The following ABCA6 variants were observed in gnomAD, a reference collection of about 807,000 sequenced individuals.
The protein encoded by ABCA6 is ATP-binding cassette sub-family A member 6.
A neutral mutation model predicts 191.2 loss-of-function variants in ABCA6; 164 were observed. That is an observed-to-expected ratio of 0.86 (90% confidence interval 0.76 to 0.98). The LOEUF (loss-of-function observed/expected upper bound fraction) is 0.98. ABCA6 is among the 50% of genes least tolerant of loss of function. The pLI is 0.00. For synonymous variants in ABCA6, 636 were observed against 647.7 expected (o/e 0.98, Z 0.27); for missense variants, 1,958 against 1,894.1 (o/e 1.03, Z -0.63).
intron 10 of ABCA6, among the ~76,000 whole-genome samples, chr17:69,120,968 A>C (rs1490819309): frequency 1.3e-5 from 2 of 152,030 alleles, no homozygotes; most frequent in Non-Finnish European, 2.9e-5. Context: ...CATACCCCTG[A>C]TACATAGAGC....
At chr17:69,128,564 G>T in intron 8 of ABCA6, 55 bp downstream of exon 8, 1 of 1,403,356 alleles carries the variant, frequency 7.1e-7, no homozygotes, top group Non-Finnish European at 9.8e-7. Context: ...TACAGCGTAT[G>T]AAGTATCTAC....
chr17:69,096,697 T>G lies in ABCA6; in HGVS notation c.3225A>C (p.Leu1075Phe). ...TTTCTATGTAGAAAATTAAATACAT[T>G]AAAAGGAGAATTAAAATGAAGAAGC... ...DVSFFILILL[L>F]MYLIFYIENM... The change falls in exon 24 of 39, where the codon TTA becomes TTC. Residue 1075 changes from leucine (L) to phenylalanine (F), a missense_variant. Leu to Phe is a conservative substitution (Grantham distance 22). Coordinates refer to ENST00000284425, the MANE Select transcript of ABCA6 (RefSeq NM_080284.3). The G allele has an allele frequency of 6.3e-7, 1 of 1,586,918 alleles. No homozygotes were observed. The highest frequency in any genetic ancestry group is 8.6e-7 in the Non-Finnish European group (1 of 1,169,572).
At chr17:69,094,340 T>G (rs1453907375) in intron 25 of ABCA6, 1 of 152,298 alleles carries the variant, frequency 6.6e-6, no homozygotes, top group Admixed American at 6.6e-5. Flanking sequence ...TGAAGGAAAG[T>G]TCCTCTCACT....
intron 7 of ABCA6, 111 bp from the exon 8 acceptor site, chr17:69,128,915 G>T: frequency 1.2e-6 from 1 of 805,846 alleles, no homozygotes; most frequent in Non-Finnish European, 1.9e-6. Context: ...ATATTTATCA[G>T]TGAGAAAGTG....
At chr17:69,141,094 G>T (rs1013111598) in intron 1 of ABCA6, among the ~76,000 whole-genome samples, 1 of 151,960 alleles carries the variant, frequency 6.6e-6, no homozygotes, top group Non-Finnish European at 1.5e-5. Context: ...GCCATTTCTT[G>T]TTCTTTACAT....
Position 69,117,933 on chromosome 17 carries a change from T to C in ABCA6, c.1460A>G (p.Tyr487Cys). Reference sequence around the variant, plus strand: ...TTCCACTTTTCCAGATTTTCCTTTATATTCCTTCTTAACATTTCTGATTCT... The same window carrying C: ...TTCCACTTTTCCAGATTTTCCTTTACATTCCTTCTTAACATTTCTGATTCT... ...AIRIRNVKKE[Y>C]KGKSGKVEAL... Residue 487 changes from tyrosine to cysteine, a missense_variant, in exon 11 of 39, where the codon TAT becomes TGT. Tyr to Cys is a radical substitution (Grantham distance 194). Coordinates refer to ENST00000284425, the MANE Select transcript of ABCA6 (RefSeq NM_080284.3). The C allele has an allele frequency of 6.3e-6, 10 of 1,591,300 alleles. No homozygotes were observed. The highest frequency in any genetic ancestry group is 1.3e-5 in the African/African-American group (1 of 74,210).
chr17:69,083,269 A>G lies in ABCA6; in HGVS notation c.4418T>C (p.Leu1473Pro), dbSNP rs1408390292. The G allele has an allele frequency of 6.2e-7, 1 of 1,611,242 alleles. No individual in the cohort carries two copies. The highest frequency in any genetic ancestry group is 8.5e-7 in the Non-Finnish European group (1 of 1,179,278). ...ERGVLLTTHN[L>P]AEAEALCDRV... is the part of the protein sequence containing the mutation. ...GTCACACAAGGCTTCCGCCTCAGCC[A>G]GGTTATGGGTGGTCAGGAGGACACC... Residue 1473 changes from leucine (L) to proline (P), a missense_variant, in exon 35 of 39, where the codon CTG becomes CCG. Leu to Pro is a moderately conservative substitution (Grantham distance 98). Coordinates refer to ENST00000284425, the MANE Select transcript of ABCA6 (RefSeq NM_080284.3).
chr17:69,083,243 G>A lies in ABCA6; in HGVS notation c.4444C>T (p.Arg1482Cys), dbSNP rs181258241. 8.7e-6 allele frequency: 14 copies of A among 1,607,994 alleles called. No homozygotes were observed. Among genetic ancestry groups the A allele is most frequent in the African/African-American group, 5.4e-5 (4 of 74,462 alleles). Residue 1482 changes from arginine to cysteine, a missense_variant, in exon 35 of 39, where the codon CGT (arginine) becomes TGT (cysteine). Coordinates refer to ENST00000284425, the MANE Select transcript of ABCA6 (RefSeq NM_080284.3). ...NLAEAEALCD[R>C]VAIMVSGRLR... ...CTTCCAGACACCATGATGGCCACAC[G>A]GTCACACAAGGCTTCCGCCTCAGCC...
intron 17 of ABCA6, 43 bp downstream of exon 17, chr17:69,110,757 AT>A (rs779584601): frequency 5.8e-6 from 9 of 1,545,266 alleles, no homozygotes; most frequent in Non-Finnish European, 7.0e-6. Flanking sequence ...TAATGTGAAC[AT>A]TTTTTCCCAT....
intron 25 of ABCA6, chr17:69,095,154 T>C: frequency 4.8e-6 from 1 of 207,860 alleles, no homozygotes; most frequent in Non-Finnish European, 1.0e-5. Flanking sequence ...TACAGACATC[T>C]GATCTAGCAC....
Position 69,078,946 on chromosome 17 carries a change from C to G in ABCA6, c.*27G>C, listed in dbSNP as rs371787959. ...CATAAAACATGAGTTTATAGGAGATCAACAAAAAATTACTAGGTTTGAGGT... is the reference window on the plus strand; with the variant it reads ...CATAAAACATGAGTTTATAGGAGATGAACAAAAAATTACTAGGTTTGAGGT... On this transcript the variant is annotated 3_prime_UTR_variant, in exon 39 of 39. Transcript: ENST00000284425. 47 of 1,454,850 alleles carry G rather than the reference C, an allele frequency of 3.2e-5. No homozygotes were observed. In the Middle Eastern group the frequency reaches 2.2e-3, roughly 68 times the overall value. 90.1% of individuals were successfully genotyped at this position (1,454,850 alleles called of 1,614,324 possible).
At chr17:69,134,512 T>C in intron 5 of ABCA6, 127 bp downstream of exon 5, 1 of 680,444 alleles carries the variant, frequency 1.5e-6, no homozygotes, top group Admixed American at 2.9e-5. Flanking sequence ...CCTTTACAAA[T>C]TACCCAATCT....
At chr17:69,137,636 A>T in intron 2 of ABCA6, 136 bp from the exon 3 acceptor site, 1 of 742,262 alleles carries the variant, frequency 1.3e-6, no homozygotes. Context: ...CAAGCCTCAG[A>T]GCATGGAGAA....
chr17:69,085,592 C>T (rs766247791), intron 31 of ABCA6, 33 bp downstream of exon 31: 8 of 1,457,006 alleles, frequency 5.5e-6, no homozygotes, highest in Non-Finnish European at 7.6e-6. Flanking sequence ...CATGAAATTC[C>T]TGTTTTGGAA....
At chr17:69,096,410 A>T (rs921914017) in intron 24 of ABCA6, 57 bp from the exon 25 acceptor site, 75 of 1,037,492 alleles carry the variant, frequency 7.2e-5, no homozygotes, top group Non-Finnish European at 9.3e-5. Flanking sequence ...TGAGGGAAAA[A>T]TTAGATTACA....
rs892164870 is a variant in ABCA6 at position 69,089,628 on chromosome 17, T to A, written c.3529-86A>T. The A allele has an allele frequency of 3.5e-6, 4 of 1,145,694 alleles. No individual in the cohort carries two copies. In the South Asian group the frequency reaches 4.4e-5, roughly 13 times the overall value. 71.0% of individuals were successfully genotyped at this position (1,145,694 alleles called of 1,614,324 possible). A position where few individuals can be genotyped will look rare whatever the true frequency, so the allele number is the denominator to read the frequency against. ...ACTTAAATAATATAAAATTCACATA[T>A]TGAATATTTTCCTCATAGATCTCAA... is the stretch of plus-strand genomic sequence containing the variant. On this transcript the variant is annotated intron_variant, in intron 26 of 38. Coordinates refer to ENST00000284425, the MANE Select transcript of ABCA6 (RefSeq NM_080284.3).
intron 28 of ABCA6, 121 bp from the exon 29 acceptor site, chr17:69,087,594 G>T (rs1022683416): frequency 6.8e-6 from 9 of 1,314,328 alleles, no homozygotes; most frequent in Non-Finnish European, 9.4e-6. Context: ...ATGATGTGAT[G>T]ATGACTGTCA....
Position 69,082,863 on chromosome 17 carries a change from C to G in ABCA6, c.4616+10G>C. The G allele has an allele frequency of 6.2e-7, 1 of 1,613,910 alleles. No individual in the cohort carries two copies. Among genetic ancestry groups the G allele is most frequent in the Non-Finnish European group, 8.5e-7 (1 of 1,179,912 alleles). Reference sequence around the variant, plus strand: ...CTCCATATTTCTCCATAATCAAAAGCCCGTCTCACCTTTCCTGCCCTGCAG... The same window carrying G: ...CTCCATATTTCTCCATAATCAAAAGGCCGTCTCACCTTTCCTGCCCTGCAG... On this transcript the variant is annotated intron_variant, in intron 36 of 38. Transcript: ENST00000284425.
rs772267385 is a variant in ABCA6 at position 69,140,664 on chromosome 17, C to T, written c.40G>A (p.Ala14Thr). Reference sequence around the variant, plus strand: ...TTAAGAAAATTCTTGCACAGAAGTGCTTTGGTTTGCTGATACACGCTTTTC... The same window carrying T: ...TTAAGAAAATTCTTGCACAGAAGTGTTTTGGTTTGCTGATACACGCTTTTC... ...KQKSVYQQTKALLCKNFLKKW... is the reference protein window; with the variant it reads ...KQKSVYQQTKTLLCKNFLKKW... Residue 14 changes from alanine (A) to threonine (T), a missense_variant, in exon 2 of 39, where the codon GCA becomes ACA. By Grantham distance (58) the Ala-to-Thr change is moderately conservative (BLOSUM62 0). Coordinates refer to ENST00000284425, the MANE Select transcript of ABCA6 (RefSeq NM_080284.3). 1 of 1,600,628 alleles carries T rather than the reference C, an allele frequency of 6.2e-7. No homozygotes were observed. The highest frequency in any genetic ancestry group is 1.1e-5 in the South Asian group (1 of 88,638).
Sources: allele counts gnomAD v4.1 joint callset (sites outside exome capture counted in the v4.1 genomes callset), GRCh38; gene constraint gnomAD v4.1.1; transcripts MANE v1.5; gene names NCBI Gene and HGNC (gene_info 2026-07-23, HGNC 2026-07-21).